Variants in DNAH1 observed in about 807,000 individuals in gnomAD.
DNAH1 encodes the protein axonemal beta dynein heavy chain 1.
A neutral mutation model predicts 484.3 loss-of-function variants in DNAH1; 327 were observed. The observed-to-expected ratio is 0.68, with a 90% CI of 0.62 to 0.74. The LOEUF (loss-of-function observed/expected upper bound fraction) is 0.74. Ranked by LOEUF, DNAH1 falls within the 30% of genes least tolerant of loss-of-function variation. The pLI is 0.00. For missense variants in DNAH1, 5,052 were observed against 5,546.8 expected, an observed-to-expected ratio of 0.91 and a Z score of 2.83; for synonymous variants, 2,192 against 2,191.9, an observed-to-expected ratio of 1.00 and a Z score of 0.00.
chr3:52,349,474 C>A (rs2153223921), intron 14 of DNAH1, 54 bp downstream of exon 14: 2 of 1,513,102 alleles, frequency 1.3e-6, no homozygotes, highest in Non-Finnish European at 1.8e-6. Flanking sequence ...ACCACAGCAG[C>A]ACACACGGAC....
chr3:52,386,715 G>A lies in DNAH1; in HGVS notation c.8865G>A (p.Val2955=). ...PPGVKLVIEA[V]CIMKGIKPKK... is the part of the protein sequence containing the mutation. ...GTGTGAAACTGGTCATAGAAGCTGT[G>A]TGCATTATGAAAGGCATCAAGCCCA... Residue 2955 remains valine (V), a synonymous_variant, in exon 56 of 78, where the codon GTG becomes GTA. Transcript: ENST00000420323. 2 of 1,593,086 alleles carry A rather than the reference G, an allele frequency of 1.3e-6. No homozygotes were observed. Among genetic ancestry groups the A allele is most frequent in the Non-Finnish European group, 8.5e-7 (1 of 1,170,184 alleles).
chr3:52,345,573 A>C lies in DNAH1; in HGVS notation c.1523A>C (p.Glu508Ala). ...TTCGTGTCCCTGCTCACACGGCCAG[A>C]GGTCATCACGGCCCTCAGCAAGGTG... is the stretch of plus-strand genomic sequence containing the variant. ...FTFVSLLTRPEVITALSKVRA... is the reference protein window; with the variant it reads ...FTFVSLLTRPAVITALSKVRA... The change falls in exon 10 of 78, where the codon GAG becomes GCG. Residue 508 changes from glutamate (E) to alanine (A), a missense_variant. By Grantham distance (107) the Glu-to-Ala change is moderately radical (BLOSUM62 -1). This residue lies in a region of DNAH1 where 1,263 missense variants were observed against 1,218.8 expected (regional missense o/e 1.04). Transcript: ENST00000420323. 4 of 1,600,866 alleles carry C rather than the reference A, an allele frequency of 2.5e-6. No homozygotes were observed. Among genetic ancestry groups the C allele is most frequent in the Non-Finnish European group, 3.4e-6 (4 of 1,173,448 alleles).
chr3:52,398,008 C>A, intron 74 of DNAH1, 24 bp from the exon 75 acceptor site: 1 of 1,609,688 alleles, frequency 6.2e-7, no homozygotes, highest in South Asian at 1.1e-5. Flanking sequence ...GCCTTGACCC[C>A]ACAGTATTCC....
In DNAH1 at chr3:52,370,975, A is replaced by G. The variant is rs923848592; in HGVS notation, c.6525+150A>G. 1.6e-5 allele frequency: 12 copies of G among 746,020 alleles called. No homozygotes were observed. In the African/African-American group the frequency reaches 2.1e-4, roughly 13 times the overall value. The allele number at this position is 746,020 out of a possible 1,614,324, so 46.2% of individuals were successfully genotyped here. ...TATTTGCATCATCTCATGAATCCTC[A>G]TGGCCCTGTAGAGTGGTTATTATTG... On this transcript the variant is annotated intron_variant, in intron 41 of 77. Coordinates refer to ENST00000420323, the MANE Select transcript of DNAH1 (RefSeq NM_015512.5).
chr3:52,378,317 C>T (rs1703691627), intron 46 of DNAH1, among the ~76,000 whole-genome samples: 1 of 151,704 alleles, frequency 6.6e-6, no homozygotes, highest in African/African-American at 2.4e-5. Context: ...AATGGCCCCG[C>T]CCAGCACTGA....
intron 65 of DNAH1, 44 bp from the exon 66 acceptor site, chr3:52,393,290 T>C: frequency 1.9e-6 from 3 of 1,606,800 alleles, no homozygotes; most frequent in Non-Finnish European, 2.6e-6. Context: ...GGGCTCTTCC[T>C]TCCTCTCACC....
chr3:52,392,170 C>T (rs1391999692), intron 63 of DNAH1, among the ~76,000 whole-genome samples: 1 of 152,220 alleles, frequency 6.6e-6, no homozygotes, highest in African/African-American at 2.4e-5. Flanking sequence ...TCACAGCCCC[C>T]ACTTGCCAAG....
At chr3:52,339,266 T>C (rs987674470) in intron 8 of DNAH1, among the ~76,000 whole-genome samples, 5 of 152,140 alleles carry the variant, frequency 3.3e-5, no homozygotes, top group African/African-American at 1.2e-4. Context: ...TCCTTTATTT[T>C]CTCTCATTTT....
At chr3:52,357,007 GT>G (rs145402902) in intron 22 of DNAH1, among the ~76,000 whole-genome samples, 15 of 138,592 alleles carry the variant, frequency 1.1e-4, no homozygotes, top group South Asian at 2.4e-4. Flanking sequence ...CCATATTAAC[GT>G]TTTTTTTTTG....
chr3:52,393,004 A>T lies in DNAH1; in HGVS notation c.10453A>T (p.Ile3485Phe). ...GTTTCTCAACATCTTCCTCTCGGGC[A>T]TCGCCAACTCAGAGAGAGCAGGTAG... is the stretch of plus-strand genomic sequence containing the variant. ...EWFLNIFLSG[I>F]ANSERADNLK... Residue 3485 changes from isoleucine (I) to phenylalanine (F), a missense_variant, in exon 65 of 78, where the codon ATC (isoleucine) becomes TTC (phenylalanine). Coordinates refer to ENST00000420323, the MANE Select transcript of DNAH1 (RefSeq NM_015512.5). 1 of 1,613,520 alleles carries T rather than the reference A, an allele frequency of 6.2e-7. No homozygotes were observed. The highest frequency in any genetic ancestry group is 2.2e-5 in the East Asian group (1 of 44,854).
intron 34 of DNAH1, 130 bp from the exon 35 acceptor site, chr3:52,366,327 T>C (rs1703070746): frequency 1.4e-6 from 1 of 710,838 alleles, no homozygotes; most frequent in South Asian, 1.8e-5. Context: ...GCTACCACCA[T>C]CCTCATTTTA....
At chr3:52,396,822 TG>T (rs1355471720) in intron 72 of DNAH1, 25 bp downstream of exon 72, 14 of 1,612,138 alleles carry the variant, frequency 8.7e-6, no homozygotes, top group African/African-American at 1.3e-5. Context: ...GACTGGGGCC[TG>T]GGGGACTGGG....
intron 4 of DNAH1, 122 bp downstream of exon 4, chr3:52,326,436 G>A: frequency 8.0e-7 from 1 of 1,250,846 alleles, no homozygotes; most frequent in Non-Finnish European, 1.1e-6. Flanking sequence ...CAAGTGTTTA[G>A]ATCGAATCTT....
intron 75 of DNAH1, 88 bp downstream of exon 75, chr3:52,398,250 A>G: frequency 2.0e-6 from 3 of 1,464,844 alleles, no homozygotes; most frequent in Non-Finnish European, 2.7e-6. Flanking sequence ...GCCAGGTGCC[A>G]TGCCAAGTGC....
rs747761276 is a variant in DNAH1, at chr3:52,347,979, G to A, written c.2106+5G>A. On this transcript the variant is annotated splice_donor_5th_base_variant and intron_variant, in intron 12 of 77. Transcript: ENST00000420323. ...GCCGTGCCCCAGCTGGAGAAGGTAC[G>A]TGCTGCAGCCTGAGCAGGCCCCAGG... 4.9e-5 allele frequency: 79 copies of A among 1,604,898 alleles called. No homozygotes were observed. The highest frequency in any genetic ancestry group is 1.9e-4 in the African/African-American group (14 of 74,798).
At position 52,390,955 on chromosome 3, in the gene DNAH1, C is replaced by T. The variant is rs1274187007; in HGVS notation, c.9642C>T (p.Asp3214=). Residue 3214 remains aspartate (D), a synonymous_variant, in exon 61 of 78, where the codon GAC becomes GAT. Coordinates refer to ENST00000420323, the MANE Select transcript of DNAH1 (RefSeq NM_015512.5). ...CACAGATCGCTGGCCTCCCCAACGA[C>T]ACACTGTCAGTGGAGAACGGGGTCA... ...RSWQIAGLPN[D]TLSVENGVIN... 2 of 1,552,188 alleles carry T rather than the reference C, an allele frequency of 1.3e-6. No individual in the cohort carries two copies. The highest frequency in any genetic ancestry group is 1.7e-6 in the Non-Finnish European group (2 of 1,147,176).
rs1252912238 is a variant in DNAH1 at position 52,386,755 on chromosome 3, G to C, written c.8905G>C (p.Glu2969Gln). ...CATCAAGCCCAAGAAGGTGCCTGGAGAAAAGCCAGGCACCAAGGTGGATGA... is the reference window on the plus strand; with the variant it reads ...CATCAAGCCCAAGAAGGTGCCTGGACAAAAGCCAGGCACCAAGGTGGATGA... ...KGIKPKKVPG[E>Q]KPGTKVDDYW... The change falls in exon 56 of 78, where the codon GAA becomes CAA. Residue 2969 changes from glutamate (E) to glutamine (Q), a missense_variant. Coordinates refer to ENST00000420323, the MANE Select transcript of DNAH1 (RefSeq NM_015512.5). 2 of 1,587,460 alleles carry C rather than the reference G, an allele frequency of 1.3e-6. No homozygotes were observed. The highest frequency in any genetic ancestry group is 1.7e-6 in the Non-Finnish European group (2 of 1,167,370).
chr3:52,349,969 G>C lies in DNAH1; in HGVS notation c.2527-20G>C, dbSNP rs1326663785. ...AGGGAGCAGCATGCTGCCCTCCCCA[G>C]CGCCTCCTCCCACTGCCAGATCTGC... On this transcript the variant is annotated intron_variant, in intron 14 of 77. Transcript: ENST00000420323. 1.3e-6 allele frequency: 2 copies of C among 1,593,396 alleles called. No individual in the cohort carries two copies. The highest frequency in any genetic ancestry group is 2.7e-5 in the African/African-American group (2 of 74,600).
chr3:52,357,026 G>GT (rs78790549), intron 22 of DNAH1, among the ~76,000 whole-genome samples: 4,578 of 132,146 alleles, frequency 0.035, 63 homozygotes, highest in Non-Finnish European at 0.048. Flanking sequence ...TTGTTTGTCT[G>GT]TTTTTTTTTT....
Sources: allele counts gnomAD v4.1 joint callset (sites outside exome capture counted in the v4.1 genomes callset), GRCh38; gene constraint gnomAD v4.1.1; regional missense constraint gnomAD v4.1.1; transcripts MANE v1.5; gene names NCBI Gene and HGNC (gene_info 2026-07-23, HGNC 2026-07-21).